FAM163A: variants seen among roughly 807,000 people sequenced by gnomAD.
FAM163A encodes the protein protein FAM163A.
FAM163A carries 7 observed loss-of-function variants against 12.0 expected under a neutral mutation model. The ratio of observed to expected loss-of-function variants is 0.58; its 90% confidence interval spans 0.33 to 1.10. The LOEUF is 1.10. Ranked by LOEUF, FAM163A falls within the 50% of genes least tolerant of loss-of-function variation. The pLI, the probability that FAM163A is intolerant of heterozygous loss-of-function variation, is 0.03. For missense variants in FAM163A, 202 were observed against 218.6 expected, an observed-to-expected ratio of 0.92 and a Z score of 0.48; for synonymous variants, 101 against 91.0, an observed-to-expected ratio of 1.11 and a Z score of -0.62.
intron 1 of FAM163A, chr1:179,804,072 A>C (rs1487622895): frequency 2.6e-5 from 4 of 151,596 alleles, no homozygotes; most frequent in Non-Finnish European, 5.9e-5. Flanking sequence ...AGGCTCTGCA[A>C]GATCACTCCC....
chr1:179,800,075 G>A (rs1454524754), intron 1 of FAM163A, among the ~76,000 whole-genome samples: 1 of 152,224 alleles, frequency 6.6e-6, no homozygotes, highest in African/African-American at 2.4e-5. Context: ...CGACAGGTAT[G>A]TATTGAGCAT....
chr1:179,759,792 G>A (rs369546535), intron 1 of FAM163A, among the ~76,000 whole-genome samples: 13 of 152,026 alleles, frequency 8.6e-5, no homozygotes, highest in African/African-American at 1.7e-4. Context: ...TCAGCCTCCC[G>A]AGTAGCTGGA....
chr1:179,751,253 G>A (rs1352197186), intron 1 of FAM163A, among the ~76,000 whole-genome samples: 1 of 152,074 alleles, frequency 6.6e-6, no homozygotes, highest in Admixed American at 6.5e-5. Context: ...GGGCTTCGAA[G>A]AGAAGGCTTG....
intron 1 of FAM163A, chr1:179,804,013 AAG>A: frequency 7.7e-6 from 1 of 130,266 alleles, no homozygotes; most frequent in African/African-American, 2.8e-5. Context: ...GAAGCCTAAG[AAG>A]AACCCAGAGC....
chr1:179,812,561 C>T (rs1175089426), intron 3 of FAM163A, among the ~76,000 whole-genome samples: 1 of 152,148 alleles, frequency 6.6e-6, no homozygotes, highest in African/African-American at 2.4e-5. Context: ...GCCAAGAGGG[C>T]GGGGATCAAG....
chr1:179,788,774 A>G (rs547286779), intron 1 of FAM163A, among the ~76,000 whole-genome samples: 1 of 152,314 alleles, frequency 6.6e-6, no homozygotes, highest in East Asian at 1.9e-4. Flanking sequence ...AGAGGTCACA[A>G]AAAGGGGGCT....
Position 179,814,068 on chromosome 1 carries a change from A to T in FAM163A, c.383A>T (p.Tyr128Phe), listed in dbSNP as rs145283628. Residue 128 changes from tyrosine to phenylalanine, a missense_variant, in exon 5 of 5, where the codon TAC becomes TTC. By Grantham distance (22) the Tyr-to-Phe change is conservative. Coordinates refer to ENST00000341785, the MANE Select transcript of FAM163A (RefSeq NM_173509.3). ...GGERLSFAPT[Y>F]YKEGGPPSLK... Reference sequence around the variant, plus strand: ...GAGAGGCTCTCCTTTGCTCCCACATACTACAAAGAGGGGGGACCCCCATCC... The same window carrying T: ...GAGAGGCTCTCCTTTGCTCCCACATTCTACAAAGAGGGGGGACCCCCATCC... 1,064 of 1,614,040 alleles carry T rather than the reference A, an allele frequency of 6.6e-4. No individual in the cohort carries two copies. Among genetic ancestry groups the T allele is most frequent in the Non-Finnish European group, 8.6e-4 (1,010 of 1,179,994 alleles).
intron 1 of FAM163A, among the ~76,000 whole-genome samples, chr1:179,755,718 G>A (rs971797344): frequency 3.3e-5 from 5 of 152,162 alleles, no homozygotes; most frequent in Non-Finnish European, 7.4e-5. Context: ...AAAACAGGTA[G>A]GGCCTATTTC....
rs369121205 is a variant in FAM163A, at chr1:179,799,414, T to G, written c.-135-8384T>G. Among the ~76,000 whole-genome samples, 12 of 152,220 alleles carry G rather than the reference T, an allele frequency of 7.9e-5. No individual in the cohort carries two copies. In the East Asian group the frequency reaches 9.6e-4, roughly 12 times the overall value. ...GCTTTGGTAGGCCAGGAAAGAGCACTGACTCTGGGGTTAGAAGAGCCAGGG... is the reference window on the plus strand; with the variant it reads ...GCTTTGGTAGGCCAGGAAAGAGCACGGACTCTGGGGTTAGAAGAGCCAGGG... On this transcript the variant is annotated intron_variant, in intron 1 of 4. Coordinates refer to ENST00000341785, the MANE Select transcript of FAM163A (RefSeq NM_173509.3).
At chr1:179,757,974 C>T (rs1038010719) in intron 1 of FAM163A, among the ~76,000 whole-genome samples, 2 of 152,160 alleles carry the variant, frequency 1.3e-5, no homozygotes, top group Non-Finnish European at 2.9e-5. Flanking sequence ...ACTGCATTGA[C>T]AGAAATGGGA....
intron 1 of FAM163A, among the ~76,000 whole-genome samples, chr1:179,786,057 G>A (rs946292338): frequency 1.3e-5 from 2 of 152,178 alleles, no homozygotes; most frequent in African/African-American, 4.8e-5. Flanking sequence ...GGTTCTACTA[G>A]TGTATACTGG....
rs1557940160 is a variant in FAM163A at position 179,783,744 on chromosome 1, A to ATTTATTATATATATATTATATAATT, written c.-135-24053_-135-24052insTTATTATATATATATTATATAATTT. 4.6e-4 allele frequency among the ~76,000 whole-genome samples: 28 copies of ATTTATTATATATATATTATATAATT among 61,488 alleles called. 3 individuals carry two copies. The highest frequency in any genetic ancestry group is 1.7e-3 in the African/African-American group (12 of 7,074). 40.3% of individuals were successfully genotyped at this position (61,488 alleles called of 152,430 possible). On this transcript the variant is annotated intron_variant, in intron 1 of 4. Transcript: ENST00000341785. ...CCAAATTTTATATAATTGAGCCCAA[A>ATTTATTATATATATATTATATAATT]TATTATATATATATTATATAATTTA...
At position 179,813,038 on chromosome 1, in the gene FAM163A, G is replaced by C. The variant is rs935915533; in HGVS notation, c.-22-38G>C. 14 of 1,537,798 alleles carry C rather than the reference G, an allele frequency of 9.1e-6. No homozygotes were observed. In the East Asian group the frequency reaches 2.7e-4, roughly 30 times the overall value. On this transcript the variant is annotated intron_variant, in intron 3 of 4. Transcript: ENST00000341785. ...CCCCCCGGCCCAGCCCAGGGCTGCAGCCACAGCTGGTCCTCAGCCCTCCGC... is the reference window on the plus strand; with the variant it reads ...CCCCCCGGCCCAGCCCAGGGCTGCACCCACAGCTGGTCCTCAGCCCTCCGC...
rs544180671 is a variant in FAM163A at position 179,753,451 on chromosome 1, T to C, written c.-136+10028T>C. 4.6e-5 allele frequency among the ~76,000 whole-genome samples: 7 copies of C among 152,298 alleles called. No individual in the cohort carries two copies. In the East Asian group the frequency reaches 1.4e-3, roughly 29 times the overall value. ...GGTCTCATGTTAAGTATTCTTACCATAATTTTTTGAAAAGCCAATGGAAAG... is the reference window on the plus strand; with the variant it reads ...GGTCTCATGTTAAGTATTCTTACCACAATTTTTTGAAAAGCCAATGGAAAG... On this transcript the variant is annotated intron_variant, in intron 1 of 4. Coordinates refer to ENST00000341785, the MANE Select transcript of FAM163A (RefSeq NM_173509.3).
At chr1:179,734,532 G>C in the FAM163A span, among the ~76,000 whole-genome samples, 1 of 152,136 alleles carries the variant, frequency 6.6e-6, no homozygotes, top group Non-Finnish European at 1.5e-5. Flanking sequence ...GTAGCAGCAG[G>C]CTCCGTTTCT....
At position 179,813,062 on chromosome 1, in the gene FAM163A, G is replaced by A. The variant is rs1434128609; in HGVS notation, c.-22-14G>A. 1.9e-6 allele frequency: 3 copies of A among 1,550,282 alleles called. No individual in the cohort carries two copies. The highest frequency in any genetic ancestry group is 2.4e-5 in the East Asian group (1 of 40,890). On this transcript the variant is annotated splice_polypyrimidine_tract_variant and intron_variant, in intron 3 of 4. Coordinates refer to ENST00000341785, the MANE Select transcript of FAM163A (RefSeq NM_173509.3). ...AGCCACAGCTGGTCCTCAGCCCTCC[G>A]CACATCTTTGCAGAGTTTGATGGGG... is the stretch of plus-strand genomic sequence containing the variant.
At chr1:179,812,043 C>T (rs1694769869) in intron 2 of FAM163A, 67 bp from the exon 3 acceptor site, 1 of 152,538 alleles carries the variant, frequency 6.6e-6, no homozygotes, top group South Asian at 2.1e-4. Flanking sequence ...ATCATCTAAC[C>T]CTTCTGGCCT....
chr1:179,734,011 T>C, the FAM163A span, among the ~76,000 whole-genome samples: 3 of 152,232 alleles, frequency 2.0e-5, no homozygotes, highest in African/African-American at 7.2e-5. Context: ...TTCCTGTTTA[T>C]TAGCACAACA....
chr1:179,795,336 A>G (rs1024449089), intron 1 of FAM163A, among the ~76,000 whole-genome samples: 8 of 152,286 alleles, frequency 5.3e-5, no homozygotes, highest in African/African-American at 1.7e-4. Flanking sequence ...GTGTCCCCCA[A>G]AAGTTCATGT....
Sources: allele counts gnomAD v4.1 joint callset (sites outside exome capture counted in the v4.1 genomes callset), GRCh38; gene constraint gnomAD v4.1.1; transcripts MANE v1.5; gene names NCBI Gene and HGNC (gene_info 2026-07-23, HGNC 2026-07-21).